VSTM4: variants seen among roughly 807,000 people sequenced by gnomAD.
VSTM4 encodes the protein V-set and transmembrane domain-containing protein 4.
Under a neutral mutation model 36.4 loss-of-function variants are expected in VSTM4, and 20 were observed. That is an observed-to-expected ratio of 0.55 (90% CI 0.39 to 0.80). VSTM4 has a LOEUF of 0.80. Ranked by LOEUF, VSTM4 falls within the 30% of genes least tolerant of loss-of-function variation. VSTM4 has a pLI of 0.00. For missense variants in VSTM4, 392 were observed against 404.5 expected (o/e 0.97, Z 0.26); for synonymous variants, 182 against 173.9 (o/e 1.05, Z -0.37).
intron 7 of VSTM4, among the ~76,000 whole-genome samples, chr10:49,023,601 C>T (rs1446725748): frequency 6.6e-6 from 1 of 152,180 alleles, no homozygotes; most frequent in Non-Finnish European, 1.5e-5. Flanking sequence ...GTTGCAAAGC[C>T]TCACCTTTAC....
At chr10:49,105,618 C>A (rs1305867127) in intron 2 of VSTM4, among the ~76,000 whole-genome samples, 1 of 152,150 alleles carries the variant, frequency 6.6e-6, no homozygotes, top group Non-Finnish European at 1.5e-5. Flanking sequence ...AGTTCCCAAA[C>A]AAATGTTCTA....
intron 5 of VSTM4, 192 bp downstream of exon 5, chr10:49,064,511 C>G: frequency 1.6e-6 from 1 of 643,228 alleles, no homozygotes; most frequent in Non-Finnish European, 2.6e-6. Flanking sequence ...CTCTGGATCC[C>G]TGGGGGTGAA....
intron 5 of VSTM4, among the ~76,000 whole-genome samples, chr10:49,052,177 T>G (rs1251473185): frequency 6.6e-6 from 1 of 152,216 alleles, no homozygotes; most frequent in Admixed American, 6.5e-5. Flanking sequence ...CAAGGCTATT[T>G]AATACTTACT....
intron 7 of VSTM4, among the ~76,000 whole-genome samples, chr10:49,028,392 G>A (rs1383612383): frequency 6.6e-6 from 1 of 152,158 alleles, no homozygotes; most frequent in Non-Finnish European, 1.5e-5. Flanking sequence ...ATAACAGCAG[G>A]TAGCAGCCTC....
chr10:49,079,189 T>C (rs189182135), intron 3 of VSTM4, among the ~76,000 whole-genome samples: 7 of 152,120 alleles, frequency 4.6e-5, no homozygotes, highest in African/African-American at 1.4e-4. Context: ...AGTTGAACAG[T>C]TAAACCATGT....
At chr10:49,078,356 C>T (rs1166349704) in intron 3 of VSTM4, among the ~76,000 whole-genome samples, 2 of 152,164 alleles carry the variant, frequency 1.3e-5, no homozygotes, top group African/African-American at 2.4e-5. Flanking sequence ...GAAAACTGTA[C>T]ATGTATGTTG....
At chr10:49,024,870 A>C (rs1843234071) in intron 7 of VSTM4, among the ~76,000 whole-genome samples, 1 of 152,176 alleles carries the variant, frequency 6.6e-6, no homozygotes, top group South Asian at 2.1e-4. Flanking sequence ...TATGGACTGA[A>C]TCTTGTTCCC....
intron 2 of VSTM4, among the ~76,000 whole-genome samples, chr10:49,095,732 G>A (rs189641817): frequency 2.1e-4 from 32 of 151,776 alleles, no homozygotes; most frequent in African/African-American, 5.6e-4. Context: ...TCACCCCCTC[G>A]TCTGGCCCTT....
intron 3 of VSTM4, among the ~76,000 whole-genome samples, chr10:49,084,761 C>A (rs1844340815): frequency 6.6e-6 from 1 of 152,228 alleles, no homozygotes; most frequent in South Asian, 2.1e-4. Flanking sequence ...AGAGAACTCA[C>A]AAAGTGCATT....
At chr10:49,019,933 T>C (rs1843157491) in intron 7 of VSTM4, among the ~76,000 whole-genome samples, 158 bp from the exon 8 acceptor site, 1 of 152,168 alleles carries the variant, frequency 6.6e-6, no homozygotes, top group Admixed American at 6.5e-5. Context: ...TCCAATAACA[T>C]AATTAATAAG....
At chr10:49,110,273 C>G (rs1424658157) in intron 1 of VSTM4, among the ~76,000 whole-genome samples, 2 of 152,166 alleles carry the variant, frequency 1.3e-5, no homozygotes, top group Non-Finnish European at 2.9e-5. Context: ...GTGACTGAAA[C>G]CAGAAGGATG....
chr10:49,086,068 A>G (rs767074080), intron 2 of VSTM4, 45 bp from the exon 3 acceptor site: 75 of 1,202,526 alleles, frequency 6.2e-5, no homozygotes, highest in Non-Finnish European at 7.4e-5. Context: ...AAATAATGCC[A>G]CATGGTACAC....
intron 5 of VSTM4, among the ~76,000 whole-genome samples, chr10:49,061,014 T>C (rs992929389): frequency 1.3e-5 from 2 of 152,188 alleles, no homozygotes; most frequent in Non-Finnish European, 2.9e-5. Context: ...TTATGCTACA[T>C]TGATCTATAT....
At chr10:49,107,514 G>A in intron 2 of VSTM4, 80 bp downstream of exon 2, 1 of 1,509,570 alleles carries the variant, frequency 6.6e-7, no homozygotes, top group Non-Finnish European at 8.9e-7. Context: ...CAACCCGGGA[G>A]CCCCTGGGTG....
At chr10:49,097,564 T>C (rs914168390) in intron 2 of VSTM4, among the ~76,000 whole-genome samples, 3 of 152,122 alleles carry the variant, frequency 2.0e-5, no homozygotes, top group African/African-American at 7.2e-5. Context: ...AGACAGCAAC[T>C]GAAGTTATCA....
chr10:49,077,345 C>A lies in VSTM4; in HGVS notation c.527-19G>T. 6.2e-7 allele frequency: 1 copy of A among 1,613,030 alleles called. No homozygotes were observed. The highest frequency in any genetic ancestry group is 8.5e-7 in the Non-Finnish European group (1 of 1,179,072). ...TAGAGATCTGAAAGGCAAGGACAGA[C>A]ACGTGAGTCAGCCTTCTGGGGGCCG... On this transcript the variant is annotated intron_variant, in intron 3 of 7. Coordinates refer to ENST00000332853, the MANE Select transcript of VSTM4 (RefSeq NM_001031746.5).
intron 1 of VSTM4, among the ~76,000 whole-genome samples, chr10:49,112,501 C>G (rs1844913126): frequency 6.6e-6 from 1 of 152,228 alleles, no homozygotes. Flanking sequence ...GAAAAGGATG[C>G]CTTTCACAGT....
intron 1 of VSTM4, among the ~76,000 whole-genome samples, chr10:49,114,966 T>C (rs972132351): frequency 6.6e-6 from 1 of 151,978 alleles, no homozygotes; most frequent in Non-Finnish European, 1.5e-5. Context: ...GTTCCCCACC[T>C]CCTGGCCAAG....
chr10:49,090,573 T>G (rs1212806601), intron 2 of VSTM4, among the ~76,000 whole-genome samples: 1 of 152,112 alleles, frequency 6.6e-6, no homozygotes, highest in Non-Finnish European at 1.5e-5. Context: ...CCCAGGAAGG[T>G]GCAGGACTGG....
Sources: allele counts gnomAD v4.1 joint callset (sites outside exome capture counted in the v4.1 genomes callset), GRCh38; gene constraint gnomAD v4.1.1; transcripts MANE v1.5; gene names NCBI Gene and HGNC (gene_info 2026-07-23, HGNC 2026-07-21).